MCUB: variants seen among roughly 807,000 people sequenced by gnomAD.
MCUB encodes mitochondrial calcium uniporter dominant negative subunit beta.
MCUB carries 46 observed loss-of-function variants against 41.4 expected under a neutral mutation model. That is an observed-to-expected ratio of 1.11 (90% CI 0.88 to 1.42). MCUB has a LOEUF of 1.42. MCUB is among the 40% of genes most tolerant of loss of function. The probability of loss-of-function intolerance (pLI) is 0.00; values close to 1 mark genes in which losing one functional copy is unlikely to be tolerated. For synonymous variants in MCUB, 148 were observed against 148.2 expected, an observed-to-expected ratio of 1.00 and a Z score of 0.01; for missense variants, 403 against 404.9, an observed-to-expected ratio of 1.00 and a Z score of 0.04.
intron 1 of MCUB, among the ~76,000 whole-genome samples, chr4:109,573,215 G>A (rs1336613408): frequency 2.6e-5 from 4 of 152,148 alleles, no homozygotes; most frequent in Admixed American, 1.3e-4. Context: ...CACTTTGGGA[G>A]GCCGAGGTGG....
chr4:109,607,460 C>T (rs566386206), intron 1 of MCUB, among the ~76,000 whole-genome samples: 55 of 152,318 alleles, frequency 3.6e-4, no homozygotes, highest in Non-Finnish European at 6.2e-4. Flanking sequence ...CCAGGTGATC[C>T]GCCTGCCTTG....
intron 1 of MCUB, among the ~76,000 whole-genome samples, chr4:109,600,656 G>T (rs949461300): frequency 6.6e-6 from 1 of 152,116 alleles, no homozygotes; most frequent in Non-Finnish European, 1.5e-5. Context: ...GTAGGAATAG[G>T]CCTGACAGGG....
intron 1 of MCUB, among the ~76,000 whole-genome samples, chr4:109,642,121 T>C (rs1016434259): frequency 6.6e-6 from 1 of 152,240 alleles, no homozygotes; most frequent in Non-Finnish European, 1.5e-5. Flanking sequence ...CTGAAACATA[T>C]GATTTTGAAG....
At chr4:109,685,825 G>A (rs577239199) in intron 7 of MCUB, among the ~76,000 whole-genome samples, 10 of 152,288 alleles carry the variant, frequency 6.6e-5, no homozygotes, top group East Asian at 3.9e-4. Context: ...ACCATGGTAC[G>A]AACACAAGTT....
chr4:109,560,522 G>A, intron 1 of MCUB, 86 bp downstream of exon 1: 1 of 638,892 alleles, frequency 1.6e-6, no homozygotes, highest in Non-Finnish European at 2.2e-6. Context: ...CAAAAGCCGA[G>A]CGGCCGAGCA....
At chr4:109,643,225 G>A (rs1464983434) in intron 1 of MCUB, among the ~76,000 whole-genome samples, 3 of 151,582 alleles carry the variant, frequency 2.0e-5, no homozygotes, top group Admixed American at 1.3e-4. Flanking sequence ...TTTCCCTGTC[G>A]CCCAGGCTGG....
intron 1 of MCUB, among the ~76,000 whole-genome samples, chr4:109,612,920 C>A (rs970944357): frequency 9.2e-5 from 14 of 152,112 alleles, no homozygotes; most frequent in African/African-American, 3.4e-4. Flanking sequence ...TCCTGGCTAA[C>A]ACGGTGAAAT....
chr4:109,656,662 C>T (rs1365076191), intron 1 of MCUB, among the ~76,000 whole-genome samples: 3 of 152,086 alleles, frequency 2.0e-5, no homozygotes, highest in African/African-American at 4.8e-5. Context: ...GGAGCCATCA[C>T]GCCTGGCCTA....
intron 1 of MCUB, among the ~76,000 whole-genome samples, chr4:109,616,827 G>GCCCT (rs144268367): frequency 0.032 from 4,832 of 152,116 alleles, 115 homozygotes; most frequent in Non-Finnish European, 0.047. Context: ...CTATGGATTT[G>GCCCT]CCCTCTTCCA....
At chr4:109,592,237 C>G (rs1467469762) in intron 1 of MCUB, among the ~76,000 whole-genome samples, 1 of 151,558 alleles carries the variant, frequency 6.6e-6, no homozygotes, top group Non-Finnish European at 1.5e-5. Flanking sequence ...TGGCGAAACC[C>G]CATCTCTACT....
In MCUB at chr4:109,641,638, C is replaced by G. The variant is rs967792345; in HGVS notation, c.100-17373C>G. Among the ~76,000 whole-genome samples the G allele has an allele frequency of 6.0e-4, 92 of 152,106 alleles. 2 individuals are homozygous for G. The highest frequency in any genetic ancestry group is 1.0e-4 in the Non-Finnish European group (7 of 68,030). On this transcript the variant is annotated intron_variant, in intron 1 of 7. Transcript: ENST00000394650. ...GGCTTAGAAGCAGGGTTACCACAGC[C>G]CTTCAATTTGTACAAAAGGCAGTAT...
At chr4:109,597,392 C>A (rs1384878789) in intron 1 of MCUB, among the ~76,000 whole-genome samples, 1 of 141,336 alleles carries the variant, frequency 7.1e-6, no homozygotes, top group Non-Finnish European at 1.6e-5. Flanking sequence ...CCGGACGGGG[C>A]GGCTGGCCGG....
At chr4:109,612,933 C>CTT in intron 1 of MCUB, among the ~76,000 whole-genome samples, 1 of 151,946 alleles carries the variant, frequency 6.6e-6, no homozygotes, top group Non-Finnish European at 1.5e-5. Flanking sequence ...GGTGAAATCC[C>CTT]GTCTCTACTA....
At chr4:109,633,699 C>G (rs1579075085) in intron 1 of MCUB, among the ~76,000 whole-genome samples, 1 of 152,188 alleles carries the variant, frequency 6.6e-6, no homozygotes, top group African/African-American at 2.4e-5. Flanking sequence ...CCATGTGGCT[C>G]TCAGCCTTCT....
At chr4:109,681,526 G>C in intron 4 of MCUB, 1 of 440,088 alleles carries the variant, frequency 2.3e-6, no homozygotes, top group South Asian at 1.6e-5. Context: ...CTCTGACCTG[G>C]GGTTCTTGGC....
At chr4:109,611,415 TA>T (rs1728004901) in intron 1 of MCUB, among the ~76,000 whole-genome samples, 4 of 152,222 alleles carry the variant, frequency 2.6e-5, no homozygotes, top group Admixed American at 2.6e-4. Context: ...AAAATGCTTC[TA>T]GGGGAAGTGA....
intron 1 of MCUB, among the ~76,000 whole-genome samples, chr4:109,629,188 G>A (rs1728423569): frequency 6.6e-6 from 1 of 151,940 alleles, no homozygotes; most frequent in South Asian, 2.1e-4. Flanking sequence ...CCAGGCTGGA[G>A]TGCAGTGCTG....
intron 1 of MCUB, among the ~76,000 whole-genome samples, chr4:109,572,102 C>T (rs1251950747): frequency 1.3e-5 from 2 of 152,248 alleles, no homozygotes; most frequent in African/African-American, 4.8e-5. Context: ...TACAAGGAAA[C>T]TTTATTTCTC....
chr4:109,673,902 T>G, intron 4 of MCUB: 1 of 776,286 alleles, frequency 1.3e-6, no homozygotes, highest in Non-Finnish European at 2.4e-6. Flanking sequence ...GATCCAAACT[T>G]ATTCGAAAAG....
Sources: allele counts gnomAD v4.1 joint callset (sites outside exome capture counted in the v4.1 genomes callset), GRCh38; gene constraint gnomAD v4.1.1; transcripts MANE v1.5; gene names NCBI Gene and HGNC (gene_info 2026-07-23, HGNC 2026-07-21).